The following LYZL2 variants were observed in gnomAD, a reference collection of about 807,000 sequenced individuals.
The protein encoded by LYZL2 is lysozyme-like protein 2.
LYZL2 carries 13 observed loss-of-function variants against 17.1 expected under a neutral mutation model. The ratio of observed to expected loss-of-function variants is 0.76; its 90% CI spans 0.49 to 1.21. The LOEUF is 1.21. LYZL2 is among the 50% of genes most tolerant of loss of function. The pLI is 0.00. For missense variants in LYZL2, 166 were observed against 189.2 expected, an observed-to-expected ratio of 0.88 and a Z score of 0.72; for synonymous variants, 63 against 74.4, an observed-to-expected ratio of 0.85 and a Z score of 0.79.
chr10:30,620,504 C>G (rs1198541143), intron 3 of LYZL2, among the ~76,000 whole-genome samples: 1 of 152,214 alleles, frequency 6.6e-6, no homozygotes, highest in Non-Finnish European at 1.5e-5. Context: ...GCTACATCTC[C>G]TTTGCTATGT....
At chr10:30,611,671 GAA>G (rs1490455115), downstream of LYZL2, 3 of 318,384 alleles carry the variant, frequency 9.4e-6, no homozygotes, top group Non-Finnish European at 1.6e-5. Context: ...GAGAAAGAGA[GAA>G]AGAAAGGAAG....
At chr10:30,622,491 A>G (rs182361972) in intron 3 of LYZL2, among the ~76,000 whole-genome samples, 34 of 149,854 alleles carry the variant, frequency 2.3e-4, no homozygotes, top group Non-Finnish European at 3.9e-4. Context: ...AGAGGGTGCA[A>G]TGAGCCAAGA....
At chr10:30,626,312 G>T in intron 2 of LYZL2, 49 bp from the exon 3 acceptor site, 2 of 1,603,332 alleles carry the variant, frequency 1.2e-6, no homozygotes, top group African/African-American at 2.7e-5. Context: ...GCCATCTTTT[G>T]CTCTAAGCTT....
At chr10:30,610,089 A>G (rs1274437313), downstream of LYZL2, among the ~76,000 whole-genome samples, 1 of 151,056 alleles carries the variant, frequency 6.6e-6, no homozygotes, top group East Asian at 1.9e-4. Flanking sequence ...GGCCACAAAT[A>G]AAATACATGA....
intron 1 of LYZL2, among the ~76,000 whole-genome samples, chr10:30,628,118 C>T (rs1387164616): frequency 2.6e-5 from 4 of 152,038 alleles, no homozygotes; most frequent in Admixed American, 6.5e-5. Context: ...GGAGATTGCG[C>T]CACTGCACTC....
intron 3 of LYZL2, among the ~76,000 whole-genome samples, chr10:30,620,389 T>C (rs1476980361): frequency 6.6e-6 from 1 of 152,222 alleles, no homozygotes; most frequent in South Asian, 2.1e-4. Flanking sequence ...TGTTGTCCAA[T>C]CTTCACGAGC....
At chr10:30,617,681 A>AAAAAAAAAAAAAAAAAG (rs2132940879) in intron 3 of LYZL2, among the ~76,000 whole-genome samples, 1 of 145,690 alleles carries the variant, frequency 6.9e-6, no homozygotes, top group African/African-American at 2.6e-5. Context: ...TCTCAAAAAA[A>AAAAAAAAAAAAAAAAAG]AAAAAAAAAA....
Position 30,625,529 on chromosome 10 carries a change from C to CA in LYZL2, c.298+575dup, listed in dbSNP as rs555460914. ...AGACCCCACAGACAGACTGTCTCTA[C>CA]AAAAAAAAACAAAAATAAAAATAGC... On this transcript the variant is annotated intron_variant, in intron 3 of 4. Transcript: ENST00000647634. Among the ~76,000 whole-genome samples the CA allele has an allele frequency of 7.5e-4, 112 of 149,018 alleles. No homozygotes were observed. The South Asian group carries it at 0.015, about 20-fold the overall frequency.
intron 3 of LYZL2, among the ~76,000 whole-genome samples, chr10:30,616,200 G>C (rs1449921585): frequency 6.6e-6 from 1 of 152,036 alleles, no homozygotes; most frequent in Non-Finnish European, 1.5e-5. Context: ...TAAACGTAGT[G>C]ATAGATTTTT....
intron 3 of LYZL2, among the ~76,000 whole-genome samples, chr10:30,625,817 A>G (rs1207287755): frequency 1.3e-5 from 2 of 152,260 alleles, no homozygotes; most frequent in Non-Finnish European, 2.9e-5. Flanking sequence ...TACTGAAGAC[A>G]TCAAATATCT....
intron 4 of LYZL2, 117 bp from the exon 5 acceptor site, chr10:30,612,141 A>G (rs1386384667): frequency 2.4e-6 from 3 of 1,265,330 alleles, no homozygotes; most frequent in East Asian, 4.7e-5. Context: ...GTTGGGTTTC[A>G]TTTGCTTCTG....
chr10:30,628,262 T>C lies in LYZL2; in HGVS notation c.-25-1322A>G, dbSNP rs192138619. On this transcript the variant is annotated intron_variant, in intron 1 of 4. Coordinates refer to ENST00000647634, the MANE Select transcript of LYZL2 (RefSeq NM_183058.3). ...GATGCATTTCAAAATGTGGGAGCATTGCTTCCAAAGTACTAGTGTTTTATC... is the reference window on the plus strand; with the variant it reads ...GATGCATTTCAAAATGTGGGAGCATCGCTTCCAAAGTACTAGTGTTTTATC... 5.2e-4 allele frequency among the ~76,000 whole-genome samples: 79 copies of C among 152,332 alleles called. No individual in the cohort carries two copies. In the East Asian group the frequency reaches 0.015, roughly 29 times the overall value.
chr10:30,615,152 C>G (rs78654736), intron 3 of LYZL2, among the ~76,000 whole-genome samples: 17,190 of 151,960 alleles, frequency 0.11, 1,039 homozygotes, highest in South Asian at 0.18. Context: ...TATTTGTTGA[C>G]AGGTGAATGG....
chr10:30,611,570 GGAAAGAAAGAAAGAAA>G (rs71023593), downstream of LYZL2, among the ~76,000 whole-genome samples: 6 of 54,124 alleles, frequency 1.1e-4, no homozygotes, highest in East Asian at 2.3e-3. Flanking sequence ...AAGGAAGGAA[GGAAAGAAAGAAAGAAA>G]GAAAGAAAGA....
intron 3 of LYZL2, among the ~76,000 whole-genome samples, chr10:30,613,535 T>C (rs1287367403): frequency 6.6e-6 from 1 of 151,452 alleles, no homozygotes; most frequent in Non-Finnish European, 1.5e-5. Context: ...CAGGATAGTA[T>C]AGTGTTTTCT....
intron 3 of LYZL2, among the ~76,000 whole-genome samples, chr10:30,624,730 T>C (rs1838677211): frequency 6.6e-6 from 1 of 152,216 alleles, no homozygotes; most frequent in Non-Finnish European, 1.5e-5. Context: ...CTGTAGGGTC[T>C]CACTATGGGG....
At chr10:30,615,870 T>C (rs1185492620) in intron 3 of LYZL2, among the ~76,000 whole-genome samples, 1 of 132,958 alleles carries the variant, frequency 7.5e-6, no homozygotes, top group East Asian at 2.0e-4. Context: ...AAAGTTCTAT[T>C]AGATAGCACT....
downstream of LYZL2, among the ~76,000 whole-genome samples, chr10:30,609,489 G>GACCAT (rs1233733268): frequency 9.9e-5 from 15 of 152,218 alleles, no homozygotes; most frequent in African/African-American, 3.6e-4. Flanking sequence ...GACCAGACCA[G>GACCAT]AAAGCATCCA....
intron 3 of LYZL2, among the ~76,000 whole-genome samples, chr10:30,622,756 C>T (rs148904168): frequency 1.3e-3 from 193 of 152,216 alleles, no homozygotes; most frequent in Middle Eastern, 3.4e-3. Flanking sequence ...TAGTTGCAAT[C>T]GAAACCATAT....
Sources: allele counts gnomAD v4.1 joint callset (sites outside exome capture counted in the v4.1 genomes callset), GRCh38; gene constraint gnomAD v4.1.1; transcripts MANE v1.5; gene names NCBI Gene and HGNC (gene_info 2026-07-23, HGNC 2026-07-21).